Variants in PRDM5 observed in about 807,000 individuals in gnomAD.
PRDM5 encodes PR domain zinc finger protein 5.
Under a neutral mutation model 81.2 loss-of-function variants are expected in PRDM5, and 56 were observed. That is an observed-to-expected ratio of 0.69 (90% CI 0.56 to 0.86). The LOEUF (loss-of-function observed/expected upper bound fraction) is 0.86. Among genes scored for constraint, PRDM5 ranks in the 40% least tolerant of loss-of-function variants. The pLI, the probability that PRDM5 is intolerant of heterozygous loss-of-function variation, is 0.00. For missense variants in PRDM5, 697 were observed against 770.1 expected (o/e 0.91, Z 1.12); for synonymous variants, 267 against 256.4 (o/e 1.04, Z -0.39).
At chr4:120,866,769 A>T (rs1761236190) in intron 2 of PRDM5, among the ~76,000 whole-genome samples, 1 of 152,114 alleles carries the variant, frequency 6.6e-6, no homozygotes, top group African/African-American at 2.4e-5. Context: ...GAATTCTAAG[A>T]CTGACTTCCC....
At chr4:120,729,851 G>T (rs973750829) in intron 14 of PRDM5, among the ~76,000 whole-genome samples, 1 of 152,168 alleles carries the variant, frequency 6.6e-6, no homozygotes, top group Non-Finnish European at 1.5e-5. Context: ...CCTGCGTGGG[G>T]TGTCCCCATG....
At chr4:120,699,191 TATATATATATA>T (rs1560890017) in intron 15 of PRDM5, among the ~76,000 whole-genome samples, 51 of 122,934 alleles carry the variant, frequency 4.1e-4, no homozygotes, top group South Asian at 5.0e-4. Flanking sequence ...TATATATATA[TATATATATATA>T]TATTTCAGAT....
At chr4:120,828,599 T>C (rs80197541) in intron 3 of PRDM5, among the ~76,000 whole-genome samples, 5,254 of 152,200 alleles carry the variant, frequency 0.035, 305 homozygotes, top group African/African-American at 0.12. Flanking sequence ...AATGCATTTA[T>C]GGGCTGAAGG....
At chr4:120,882,478 T>C (rs899738464) in intron 2 of PRDM5, among the ~76,000 whole-genome samples, 1 of 152,292 alleles carries the variant, frequency 6.6e-6, no homozygotes, top group Admixed American at 6.5e-5. Flanking sequence ...TGTCCTTTAT[T>C]GTTCTGGTAC....
intron 3 of PRDM5, among the ~76,000 whole-genome samples, chr4:120,851,481 A>C (rs1006039033): frequency 3.9e-5 from 6 of 152,020 alleles, no homozygotes; most frequent in Non-Finnish European, 8.8e-5. Context: ...AAAAAAAAAA[A>C]ACATCAGTTT....
chr4:120,690,599 A>C (rs1247254141), downstream of PRDM5, among the ~76,000 whole-genome samples: 2 of 152,182 alleles, frequency 1.3e-5, no homozygotes, highest in Non-Finnish European at 2.9e-5. Flanking sequence ...TATCAGATAA[A>C]ATTAAGGAAA....
At chr4:120,836,443 A>G (rs1390946838) in intron 3 of PRDM5, among the ~76,000 whole-genome samples, 2 of 152,190 alleles carry the variant, frequency 1.3e-5, no homozygotes, top group Non-Finnish European at 2.9e-5. Flanking sequence ...AAAACAGGAT[A>G]CTTGTATTCT....
intron 14 of PRDM5, among the ~76,000 whole-genome samples, chr4:120,740,107 T>C (rs186669739): frequency 2.0e-4 from 31 of 152,322 alleles, no homozygotes; most frequent in African/African-American, 7.0e-4. Flanking sequence ...AACGGTATTT[T>C]GAAGTCATTT....
Position 120,862,837 on chromosome 4 carries a change from G to A in PRDM5, c.178-9297C>T, listed in dbSNP as rs767421081. On this transcript the variant is annotated intron_variant, in intron 2 of 15. Coordinates refer to ENST00000264808, the MANE Select transcript of PRDM5 (RefSeq NM_018699.4). ...TTCCTTGTACAGAAACGTCACACAT[G>A]TATGGCTGCATTTTTATTTGCGGGC... 2.5e-4 allele frequency among the ~76,000 whole-genome samples: 38 copies of A among 152,024 alleles called. 1 individual carries two copies. Among genetic ancestry groups the A allele is most frequent in the Non-Finnish European group, 5.1e-4 (35 of 67,978 alleles).
intron 14 of PRDM5, among the ~76,000 whole-genome samples, chr4:120,719,243 G>A (rs748314583): frequency 6.6e-6 from 1 of 152,162 alleles, no homozygotes; most frequent in Non-Finnish European, 1.5e-5. Context: ...ACGTCCCCTG[G>A]GGGGCAAACC....
At chr4:120,749,360 A>T (rs569324108) in intron 14 of PRDM5, among the ~76,000 whole-genome samples, 1 of 152,272 alleles carries the variant, frequency 6.6e-6, no homozygotes, top group Admixed American at 6.5e-5. Context: ...GCACATGGAA[A>T]GTCCACAGCC....
Position 120,746,960 on chromosome 4 carries a change from T to A in PRDM5, c.1623+7593A>T, listed in dbSNP as rs994148821. The stretch of plus-strand genomic sequence containing the variant: ...TATATACCCAAAGGGCTATAAATCA[T>A]GCTGCTATAAAGACACATGCACACG... On this transcript the variant is annotated intron_variant, in intron 14 of 15. Transcript: ENST00000264808. Among the ~76,000 whole-genome samples the A allele has an allele frequency of 1.1e-4, 16 of 151,254 alleles. 1 individual carries two copies. Among genetic ancestry groups the A allele is most frequent in the Admixed American group, 9.9e-4 (15 of 15,206 alleles).
At chr4:120,837,747 T>C (rs1448518435) in intron 3 of PRDM5, 3 of 152,198 alleles carry the variant, frequency 2.0e-5, no homozygotes, top group African/African-American at 7.2e-5. Flanking sequence ...TGAGTTTACA[T>C]TCTACTGCTT....
intron 2 of PRDM5, among the ~76,000 whole-genome samples, chr4:120,869,984 GA>G (rs1224893202): frequency 4.7e-5 from 7 of 149,116 alleles, no homozygotes; most frequent in Middle Eastern, 3.4e-3. Flanking sequence ...AAAGAACAAA[GA>G]AAAAAAAAGA....
chr4:120,699,205 T>TATATATATATATATA (rs1735002200), intron 15 of PRDM5, among the ~76,000 whole-genome samples: 7 of 122,384 alleles, frequency 5.7e-5, no homozygotes, highest in Admixed American at 8.7e-5. Flanking sequence ...TATATATATA[T>TATATATATATATATA]TTCAGATGTC....
At chr4:120,810,682 T>C (rs1247340602) in intron 8 of PRDM5, 1 of 152,094 alleles carries the variant, frequency 6.6e-6, no homozygotes, top group African/African-American at 2.4e-5. Flanking sequence ...AGTGTCCCAT[T>C]TTATAAATGG....
chr4:120,810,786 C>T (rs1025818372), intron 8 of PRDM5, among the ~76,000 whole-genome samples: 1 of 152,088 alleles, frequency 6.6e-6, no homozygotes, highest in African/African-American at 2.4e-5. Context: ...TATTATTTCT[C>T]CTTAAGTATC....
At chr4:120,882,982 A>C (rs920970682) in intron 2 of PRDM5, among the ~76,000 whole-genome samples, 1 of 152,232 alleles carries the variant, frequency 6.6e-6, no homozygotes, top group African/African-American at 2.4e-5. Flanking sequence ...AAGCTAAAAT[A>C]AAGTTAAAAA....
intron 2 of PRDM5, among the ~76,000 whole-genome samples, chr4:120,885,134 CAA>C (rs60623556): frequency 2.8e-4 from 14 of 50,712 alleles, no homozygotes; most frequent in African/African-American, 3.4e-4. Context: ...GACTCCGTAT[CAA>C]AAAAAAAAAA....
Sources: allele counts gnomAD v4.1 joint callset (sites outside exome capture counted in the v4.1 genomes callset), GRCh38; gene constraint gnomAD v4.1.1; transcripts MANE v1.5; gene names NCBI Gene and HGNC (gene_info 2026-07-23, HGNC 2026-07-21).